The following RUVBL1 variants were observed in gnomAD, a reference collection of about 807,000 sequenced individuals.
RUVBL1 encodes RuvB like AAA ATPase 1.
Under a neutral mutation model 52.4 loss-of-function variants are expected in RUVBL1, and 4 were observed. The ratio of observed to expected loss-of-function variants is 0.08; its 90% CI spans 0.04 to 0.17. The LOEUF (loss-of-function observed/expected upper bound fraction) is 0.17, where lower values mean the gene tolerates loss of function less well. Among genes scored for constraint, RUVBL1 ranks in the 10% least tolerant of loss-of-function variants. The pLI, the probability that RUVBL1 is intolerant of heterozygous loss-of-function variation, is 1.00. For synonymous variants in RUVBL1, 217 were observed against 214.4 expected (o/e 1.01, Z -0.10); for missense variants, 298 against 572.8 (o/e 0.52, Z 4.90).
intron 2 of RUVBL1, among the ~76,000 whole-genome samples, chr3:128,116,033 G>A (rs1366807097): frequency 6.6e-6 from 1 of 151,652 alleles, no homozygotes; most frequent in Non-Finnish European, 1.5e-5. Flanking sequence ...AGGCTGAGGT[G>A]GGAGGACCAC....
chr3:128,113,663 TTTA>T (rs1306910044), intron 2 of RUVBL1, among the ~76,000 whole-genome samples: 5 of 152,384 alleles, frequency 3.3e-5, no homozygotes, highest in African/African-American at 1.2e-4. Flanking sequence ...ATTTTTATTT[TTTA>T]TTGTTTTTTT....
rs1225463768 is a variant in RUVBL1, at chr3:128,140,251, C to T, written c.-40+12952G>A. Among the ~76,000 whole-genome samples, 24 of 59,132 alleles carry T rather than the reference C, an allele frequency of 4.1e-4. 1 individual carries two copies. The highest frequency in any genetic ancestry group is 5.4e-4 in the Non-Finnish European group (18 of 33,306). The allele number at this position is 59,132 out of a possible 152,430, so 38.8% of individuals were successfully genotyped here. ...TTGTTTGTTTTTTTTTTTTTTGAGA[C>T]GGAGTCTCCCTCTGTTACCCAGGCT... On this transcript the variant is annotated intron_variant, in intron 1 of 9. Transcript: ENST00000464873.
At chr3:128,150,089 G>C (rs1559840884) in intron 1 of RUVBL1, among the ~76,000 whole-genome samples, 1 of 152,044 alleles carries the variant, frequency 6.6e-6, no homozygotes, top group African/African-American at 2.4e-5. Context: ...CCCTTCTCTT[G>C]CATCTTTGTC....
intron 1 of RUVBL1, among the ~76,000 whole-genome samples, chr3:128,146,692 T>C (rs908224229): frequency 6.6e-6 from 1 of 150,884 alleles, no homozygotes; most frequent in East Asian, 2.0e-4. Flanking sequence ...TCTGTGTGCA[T>C]GCACATGTGT....
rs1005624914 is a variant in RUVBL1, at chr3:128,067,707, C to T, written c.940-2487G>A. The T allele has an allele frequency of 1.9e-6, 2 of 1,062,908 alleles. No homozygotes were observed. Among genetic ancestry groups the T allele is most frequent in the South Asian group, 1.5e-5 (1 of 65,722 alleles). The allele number at this position is 1,062,908 out of a possible 1,614,324, so 65.8% of individuals were successfully genotyped here. On this transcript the variant is annotated intron_variant, in intron 9 of 9. Coordinates refer to the RUVBL1 transcript ENST00000464873. The surrounding 1 kb of genome is among the most constrained non-coding windows in gnomAD (Gnocchi z 4.1). ...CCTCATCATAAATAATGGTCTGTGA[C>T]GTGTGCAGATAGATCGTCGTCCTTT...
At chr3:128,134,983 C>A (rs1384767383) in intron 1 of RUVBL1, among the ~76,000 whole-genome samples, 1 of 152,002 alleles carries the variant, frequency 6.6e-6, no homozygotes, top group Non-Finnish European at 1.5e-5. Context: ...GGATAATAAA[C>A]AGAACTTTCC....
At chr3:128,077,791 G>A (rs1008821813), downstream of RUVBL1, among the ~76,000 whole-genome samples, 2 of 152,232 alleles carry the variant, frequency 1.3e-5, no homozygotes, top group Non-Finnish European at 2.9e-5. Context: ...CTGCGATAGG[G>A]AGGGGCAGGG....
At position 128,067,898 on chromosome 3, in the gene RUVBL1, G is replaced by A. The variant is rs1942033150; in HGVS notation, c.940-2678C>T. 3 of 1,050,700 alleles carry A rather than the reference G, an allele frequency of 2.9e-6. No individual in the cohort carries two copies. Among genetic ancestry groups the A allele is most frequent in the South Asian group, 1.3e-5 (1 of 78,616 alleles). The allele number at this position is 1,050,700 out of a possible 1,614,324, so 65.1% of individuals were successfully genotyped here. On this transcript the variant is annotated intron_variant, in intron 9 of 9. Coordinates refer to the RUVBL1 transcript ENST00000464873. This position sits in a 1 kb window ranked among gnomAD's most constrained non-coding sequence, Gnocchi z 4.1. ...GAATATTGTCAGTGCTCGAAGAGGCGATCTGTAACTGTTCAGTACCACTTG... is the reference window on the plus strand; with the variant it reads ...GAATATTGTCAGTGCTCGAAGAGGCAATCTGTAACTGTTCAGTACCACTTG...
At position 128,067,360 on chromosome 3, in the gene RUVBL1, TG is replaced by T; in HGVS notation, c.940-2141del. The T allele has an allele frequency of 6.5e-7, 1 of 1,529,876 alleles. No individual in the cohort carries two copies. 94.8% of individuals were successfully genotyped at this position (1,529,876 alleles called of 1,614,324 possible). ...TCTTTCATCTGCTCAGAACTATTTT[TG>T]CCTTGATGCTAAAGTAAAATGAAGG... On this transcript the variant is annotated intron_variant, in intron 9 of 9. Coordinates refer to the RUVBL1 transcript ENST00000464873. This position sits in a 1 kb window ranked among gnomAD's most constrained non-coding sequence, Gnocchi z 4.1.
intron 1 of RUVBL1, among the ~76,000 whole-genome samples, chr3:128,143,420 C>T (rs959522219): frequency 6.6e-6 from 1 of 152,198 alleles, no homozygotes; most frequent in Non-Finnish European, 1.5e-5. Context: ...ATTCGCCCTT[C>T]TCAGCCTCCC....
At chr3:128,092,611 T>C (rs892057291) in intron 8 of RUVBL1, among the ~76,000 whole-genome samples, 1 of 152,094 alleles carries the variant, frequency 6.6e-6, no homozygotes, top group Non-Finnish European at 1.5e-5. Flanking sequence ...ACGCTCAACA[T>C]CCTTAGTCGT....
rs984719039 is a variant in RUVBL1 at position 128,081,475 on chromosome 3, C to A, written c.1212-66G>T. ...CACCGAAGAAAGCACCTTCCCCCCA[C>A]ATCAGTAGGCAGCACTGGCACCAGG... On this transcript the variant is annotated intron_variant, in intron 10 of 10. Coordinates refer to ENST00000322623, the MANE Select transcript of RUVBL1 (RefSeq NM_003707.3). The surrounding 1 kb of genome is among the most constrained non-coding windows in gnomAD (Gnocchi z 4.8). The A allele has an allele frequency of 2.0e-6, 3 of 1,509,720 alleles. No homozygotes were observed. The African/African-American group carries it at 4.1e-5, about 21-fold the overall frequency. The allele number at this position is 1,509,720 out of a possible 1,614,324, so 93.5% of individuals were successfully genotyped here. A position where few individuals can be genotyped will look rare whatever the true frequency, so the allele number is the denominator to read the frequency against.
chr3:128,129,001 C>A (rs1559832563), intron 1 of RUVBL1, among the ~76,000 whole-genome samples: 1 of 152,128 alleles, frequency 6.6e-6, no homozygotes, highest in African/African-American at 2.4e-5. Flanking sequence ...AGGATATGTG[C>A]AATCTTTCTC....
At chr3:128,126,327 C>T (rs1943791381), upstream of RUVBL1, among the ~76,000 whole-genome samples, 1 of 152,132 alleles carries the variant, frequency 6.6e-6, no homozygotes, top group Non-Finnish European at 1.5e-5. Context: ...AGGTGGATCA[C>T]CTGAGGTCAG....
chr3:128,148,378 C>T (rs987949195), intron 1 of RUVBL1, among the ~76,000 whole-genome samples: 1 of 152,128 alleles, frequency 6.6e-6, no homozygotes. Context: ...AGAGAGGAGT[C>T]AAGAACTGAG....
At chr3:128,087,843 C>T (rs937121794) in intron 8 of RUVBL1, 35 bp from the exon 9 acceptor site, 4 of 1,421,848 alleles carry the variant, frequency 2.8e-6, no homozygotes, top group Admixed American at 3.4e-5. Flanking sequence ...TCACCTAAGC[C>T]TCTGTTAGAC....
intron 9 of RUVBL1, chr3:128,069,024 G>A (rs1163903902): frequency 6.5e-6 from 1 of 153,158 alleles, no homozygotes; most frequent in Admixed American, 6.5e-5. Flanking sequence ...TAAGCTGCTG[G>A]ATTTACAGCA....
At chr3:128,141,287 T>C (rs1944017648) in intron 1 of RUVBL1, among the ~76,000 whole-genome samples, 1 of 152,204 alleles carries the variant, frequency 6.6e-6, no homozygotes. Flanking sequence ...CTGGTAAGCC[T>C]TACCTCACAA....
intron 9 of RUVBL1, among the ~76,000 whole-genome samples, chr3:128,086,724 G>C (rs772614232): frequency 6.6e-6 from 1 of 152,220 alleles, no homozygotes; most frequent in African/African-American, 2.4e-5. Context: ...GGAATACCTG[G>C]AAATACCATG....
Sources: gnomAD v4.1 joint callset for allele counts (sites outside exome capture counted in the v4.1 genomes callset) on GRCh38, gnomAD v4.1.1 for gene constraint, Gnocchi (gnomAD v3.1) non-coding constraint, MANE v1.5 for transcripts, NCBI Gene and HGNC (gene_info 2026-07-23, HGNC 2026-07-21) for gene names.